The following AGBL1 variants were observed in gnomAD, a reference collection of about 807,000 sequenced individuals.
The protein encoded by AGBL1 is AGBL carboxypeptidase 1.
AGBL1 carries 130 observed loss-of-function variants against 118.9 expected under a neutral mutation model. The observed-to-expected ratio is 1.09, with a 90% confidence interval of 0.95 to 1.26. The LOEUF is 1.26. Among genes scored for constraint, AGBL1 ranks in the 50% most tolerant of loss-of-function variants. The pLI is 0.00. For synonymous variants in AGBL1, 555 were observed against 478.9 expected, an observed-to-expected ratio of 1.16 and a Z score of -2.08; for missense variants, 1,584 against 1,298.1, an observed-to-expected ratio of 1.22 and a Z score of -3.38.
At chr15:86,567,659 G>T (rs1180145804) in intron 21 of AGBL1, among the ~76,000 whole-genome samples, 3 of 151,970 alleles carry the variant, frequency 2.0e-5, no homozygotes, top group African/African-American at 4.8e-5. Flanking sequence ...TCTTTTTTTT[G>T]ATCTTTGAAT....
intron 5 of AGBL1, among the ~76,000 whole-genome samples, chr15:86,184,313 A>G (rs534212859): frequency 2.6e-5 from 4 of 152,184 alleles, no homozygotes; most frequent in Non-Finnish European, 5.9e-5. Flanking sequence ...CATAAGGTCC[A>G]TAGTAATTCT....
At chr15:86,788,162 G>A (rs1469177115) in intron 22 of AGBL1, among the ~76,000 whole-genome samples, 3 of 152,196 alleles carry the variant, frequency 2.0e-5, no homozygotes, top group Non-Finnish European at 4.4e-5. Context: ...TCTGCACGGT[G>A]CCCACTGAGG....
chr15:87,026,573 T>G (rs1391521460), intron 24 of AGBL1, among the ~76,000 whole-genome samples: 2 of 152,088 alleles, frequency 1.3e-5, no homozygotes, highest in African/African-American at 4.8e-5. Flanking sequence ...ACAATCACTA[T>G]GAACAACAGT....
At chr15:87,028,955 T>C (rs2141816791) in exon 25 of AGBL1, 1 of 1,219,364 alleles carries the variant, frequency 8.2e-7, no homozygotes, top group East Asian at 2.4e-5. Flanking sequence ...TTATGGAAAA[T>C]GTTGCTCCAT....
At chr15:86,625,558 G>C (rs2084874797) in intron 21 of AGBL1, among the ~76,000 whole-genome samples, 1 of 151,744 alleles carries the variant, frequency 6.6e-6, no homozygotes, top group Non-Finnish European at 1.5e-5. Context: ...CCTGGGAACT[G>C]AGTTTCAGAC....
intron 21 of AGBL1, among the ~76,000 whole-genome samples, chr15:86,648,443 A>T (rs985752171): frequency 6.6e-6 from 1 of 152,212 alleles, no homozygotes; most frequent in Non-Finnish European, 1.5e-5. Flanking sequence ...GGCCTGAGCC[A>T]CTGGAAGAAT....
chr15:86,183,359 G>C (rs2077579427), intron 5 of AGBL1, among the ~76,000 whole-genome samples: 1 of 152,052 alleles, frequency 6.6e-6, no homozygotes, highest in African/African-American at 2.4e-5. Flanking sequence ...AAAAGTAAAA[G>C]GTATTCAATC....
chr15:86,417,861 C>CT (rs1253020893), intron 18 of AGBL1, among the ~76,000 whole-genome samples: 1 of 152,168 alleles, frequency 6.6e-6, no homozygotes, highest in Non-Finnish European at 1.5e-5. Context: ...TTCATGAAGC[C>CT]TGAAGCATGA....
intron 18 of AGBL1, among the ~76,000 whole-genome samples, chr15:86,450,009 C>T (rs2082173394): frequency 6.6e-6 from 1 of 152,128 alleles, no homozygotes; most frequent in African/African-American, 2.4e-5. Flanking sequence ...ATCTGTTCAC[C>T]TACCCATAGT....
At chr15:86,680,807 T>C (rs1009853924) in intron 22 of AGBL1, among the ~76,000 whole-genome samples, 3 of 152,028 alleles carry the variant, frequency 2.0e-5, no homozygotes, top group Non-Finnish European at 2.9e-5. Flanking sequence ...CCTCAAGTGA[T>C]CCACCCACCT....
intron 22 of AGBL1, among the ~76,000 whole-genome samples, chr15:86,676,796 G>A (rs941877149): frequency 6.6e-6 from 1 of 152,158 alleles, no homozygotes; most frequent in South Asian, 2.1e-4. Context: ...TTCTCCAAAG[G>A]TCTGCCCTAA....
chr15:86,264,175 C>A, intron 10 of AGBL1, 83 bp from the exon 11 acceptor site: 1 of 1,163,472 alleles, frequency 8.6e-7, no homozygotes. Context: ...AGCTCTGTGC[C>A]CAGAGAGTAA....
intron 17 of AGBL1, among the ~76,000 whole-genome samples, chr15:86,384,788 G>A (rs1168137623): frequency 6.6e-6 from 1 of 152,074 alleles, no homozygotes; most frequent in African/African-American, 2.4e-5. Context: ...TAGAGACAGA[G>A]GGTACAAAAT....
At chr15:86,651,681 A>G (rs1167421414) in intron 21 of AGBL1, among the ~76,000 whole-genome samples, 1 of 152,252 alleles carries the variant, frequency 6.6e-6, no homozygotes, top group South Asian at 2.1e-4. Context: ...TCTTAGTTAC[A>G]TGAAACTTCT....
chr15:87,022,677 A>G, intron 24 of AGBL1, among the ~76,000 whole-genome samples: 1 of 152,102 alleles, frequency 6.6e-6, no homozygotes, highest in East Asian at 1.9e-4. Flanking sequence ...GTTAAGACGG[A>G]AGAAAGAATC....
chr15:86,290,773 C>T (rs1423991662), intron 16 of AGBL1, among the ~76,000 whole-genome samples: 1 of 151,792 alleles, frequency 6.6e-6, no homozygotes. Context: ...ATGTGCCATG[C>T]TGGTGTGCTG....
chr15:86,092,035 T>C (rs1237200547), intron 1 of AGBL1, among the ~76,000 whole-genome samples: 2 of 152,324 alleles, frequency 1.3e-5, no homozygotes, highest in South Asian at 4.1e-4. Flanking sequence ...TCATCTATGA[T>C]TTACTTGCTT....
At chr15:86,695,889 G>T (rs566794623) in intron 22 of AGBL1, among the ~76,000 whole-genome samples, 12 of 152,020 alleles carry the variant, frequency 7.9e-5, no homozygotes, top group African/African-American at 2.9e-4. Context: ...TAATTTTCAT[G>T]TATTTGCATG....
At chr15:86,236,938 GGGGCGGGGGGGGGC>G in intron 6 of AGBL1, among the ~76,000 whole-genome samples, 3 of 67,568 alleles carry the variant, frequency 4.4e-5, no homozygotes, top group South Asian at 8.8e-4. Context: ...TGGGCGGGGG[GGGGCGGGGGGGGGC>G]GGGGGGGCGC....
Sources: allele counts gnomAD v4.1 joint callset (sites outside exome capture counted in the v4.1 genomes callset), GRCh38; gene constraint gnomAD v4.1.1; transcripts MANE v1.5; gene names NCBI Gene and HGNC (gene_info 2026-07-23, HGNC 2026-07-21).